The following DLEC1 variants were observed in gnomAD, a reference collection of about 807,000 sequenced individuals.
DLEC1 encodes the protein deleted in lung and esophageal cancer protein 1.
In DLEC1, 146 loss-of-function variants were observed where a neutral mutation model predicts 198.1. The ratio of observed to expected loss-of-function variants is 0.74; its 90% CI spans 0.64 to 0.85. The LOEUF is 0.85. Among genes scored for constraint, DLEC1 ranks in the 40% least tolerant of loss-of-function variants. The pLI, the probability that DLEC1 is intolerant of heterozygous loss-of-function variation, is 0.00. For synonymous variants in DLEC1, 897 were observed against 866.8 expected, an observed-to-expected ratio of 1.03 and a Z score of -0.61; for missense variants, 2,233 against 2,220.0, an observed-to-expected ratio of 1.01 and a Z score of -0.12.
intron 2 of DLEC1, among the ~76,000 whole-genome samples, 175 bp from the exon 3 acceptor site, chr3:38,059,567 T>C (rs1696566791): frequency 6.6e-6 from 1 of 152,234 alleles, no homozygotes; most frequent in Non-Finnish European, 1.5e-5. Flanking sequence ...GGTTGGCCTC[T>C]TTTAAGTGGC....
chr3:38,062,073 G>T (rs557484558), intron 3 of DLEC1, 96 bp from the exon 4 acceptor site: 26 of 1,236,184 alleles, frequency 2.1e-5, no homozygotes, highest in Non-Finnish European at 2.8e-5. Context: ...GAAAGATCAA[G>T]CTAACTGTGG....
chr3:38,039,664 G>T, intron 1 of DLEC1, 28 bp downstream of exon 1: 1 of 1,575,382 alleles, frequency 6.3e-7, no homozygotes, highest in South Asian at 1.2e-5. Context: ...TCGCGTCTGC[G>T]GACGGTGCCG....
At chr3:38,090,557 T>C (rs1050415171) in intron 10 of DLEC1, among the ~76,000 whole-genome samples, 5 of 152,232 alleles carry the variant, frequency 3.3e-5, no homozygotes, top group African/African-American at 1.2e-4. Flanking sequence ...TTTTCTGATC[T>C]CTGGCTACAA....
intron 23 of DLEC1, 41 bp from the exon 24 acceptor site, chr3:38,111,636 T>G (rs1483762094): frequency 6.2e-7 from 1 of 1,601,308 alleles, no homozygotes; most frequent in Non-Finnish European, 8.5e-7. Context: ...TGGGACAGGC[T>G]TGTCTGACTT....
chr3:38,054,702 G>A (rs1452059432), intron 2 of DLEC1, among the ~76,000 whole-genome samples: 1 of 152,210 alleles, frequency 6.6e-6, no homozygotes, highest in African/African-American at 2.4e-5. Flanking sequence ...TTAAAAGAAT[G>A]GTGTTCTTTG....
intron 6 of DLEC1, among the ~76,000 whole-genome samples, chr3:38,075,977 G>T (rs1697592632): frequency 6.6e-6 from 1 of 152,156 alleles, no homozygotes; most frequent in Non-Finnish European, 1.5e-5. Context: ...CTGAAACGTG[G>T]GTGAATAATC....
chr3:38,091,480 A>G (rs1201563698), intron 10 of DLEC1, among the ~76,000 whole-genome samples: 1 of 152,146 alleles, frequency 6.6e-6, no homozygotes, highest in Non-Finnish European at 1.5e-5. Context: ...CAAAACAAAC[A>G]AATGAACAAA....
At chr3:38,050,943 T>TC (rs1401073355) in intron 2 of DLEC1, among the ~76,000 whole-genome samples, 1 of 151,324 alleles carries the variant, frequency 6.6e-6, no homozygotes, top group Non-Finnish European at 1.5e-5. Flanking sequence ...TCTCTCTCTT[T>TC]TTTTTTTTTG....
At chr3:38,055,418 A>T (rs1376260180) in intron 2 of DLEC1, among the ~76,000 whole-genome samples, 2 of 152,334 alleles carry the variant, frequency 1.3e-5, no homozygotes, top group South Asian at 4.1e-4. Context: ...CTGAGAGTAG[A>T]CTTTATAGCA....
chr3:38,081,800 C>T (rs1698026793), intron 6 of DLEC1, among the ~76,000 whole-genome samples: 1 of 127,960 alleles, frequency 7.8e-6, no homozygotes, highest in Admixed American at 7.4e-5. Flanking sequence ...GGGGCTGACC[C>T]CCCCACCTCC....
In DLEC1 at chr3:38,122,883, T is replaced by A. The variant is rs5875; in HGVS notation, c.*471T>A. The A allele has an allele frequency of 0.12, 90,859 of 786,758 alleles. 5,865 individuals are homozygous for A. The highest frequency in any genetic ancestry group is 0.23 in the Middle Eastern group (606 of 2,670). The allele number at this position is 786,758 out of a possible 1,614,324, so 48.7% of individuals were successfully genotyped here. Reference sequence around the variant, plus strand: ...ACACCCCACCCACTCCTATACCATGTCATCAGTGTTCACATTTTCCAAATG... The same window carrying A: ...ACACCCCACCCACTCCTATACCATGACATCAGTGTTCACATTTTCCAAATG... On this transcript the variant is annotated 3_prime_UTR_variant, in exon 37 of 37. Transcript: ENST00000308059.
At chr3:38,098,655 C>A (rs959572934) in intron 18 of DLEC1, among the ~76,000 whole-genome samples, 1 of 151,894 alleles carries the variant, frequency 6.6e-6, no homozygotes, top group Non-Finnish European at 1.5e-5. Context: ...GCCCACTTGC[C>A]CTCCGAGTCA....
At position 38,114,887 on chromosome 3, in the gene DLEC1, T is replaced by A. The variant is rs1048120273; in HGVS notation, c.3786-96T>A. Reference sequence around the variant, plus strand: ...CGAGTGAGGCCAGACCACTGTGGTATTTCCCCCTGCCTGAGCCCCCAGTCC... The same window carrying A: ...CGAGTGAGGCCAGACCACTGTGGTAATTCCCCCTGCCTGAGCCCCCAGTCC... On this transcript the variant is annotated intron_variant, in intron 26 of 36. Transcript: ENST00000308059. 12 of 1,086,506 alleles carry A rather than the reference T, an allele frequency of 1.1e-5. No individual in the cohort carries two copies. The Middle Eastern group carries it at 9.2e-4, about 83-fold the overall frequency. 67.3% of individuals were successfully genotyped at this position (1,086,506 alleles called of 1,614,324 possible).
intron 6 of DLEC1, among the ~76,000 whole-genome samples, chr3:38,078,160 T>G (rs1269985072): frequency 1.3e-5 from 2 of 152,044 alleles, no homozygotes; most frequent in Non-Finnish European, 2.9e-5. Context: ...GAGGCCAGAT[T>G]GAGGTCCGGG....
intron 19 of DLEC1, among the ~76,000 whole-genome samples, chr3:38,102,842 C>A (rs917124500): frequency 6.6e-6 from 1 of 152,194 alleles, no homozygotes; most frequent in African/African-American, 2.4e-5. Flanking sequence ...GGAATAGCAT[C>A]TTTCTGGTTG....
At chr3:38,056,118 A>G (rs1015609962) in intron 2 of DLEC1, among the ~76,000 whole-genome samples, 2 of 128,202 alleles carry the variant, frequency 1.6e-5, no homozygotes, top group Non-Finnish European at 3.3e-5. Context: ...CACACACACA[A>G]ATAGCTGAGT....
At chr3:38,047,954 G>T (rs1467413513) in intron 2 of DLEC1, among the ~76,000 whole-genome samples, 1 of 152,172 alleles carries the variant, frequency 6.6e-6, no homozygotes, top group Non-Finnish European at 1.5e-5. Flanking sequence ...TTATTTGCCA[G>T]TGTTTAAAAT....
At chr3:38,103,607 C>T (rs1174406637) in intron 19 of DLEC1, 1 of 152,246 alleles carries the variant, frequency 6.6e-6, no homozygotes, top group Non-Finnish European at 1.5e-5. Flanking sequence ...TGGCACAAAG[C>T]TAGCTTTCTG....
chr3:38,118,610 A>G (rs1700305108), intron 33 of DLEC1, among the ~76,000 whole-genome samples: 1 of 152,138 alleles, frequency 6.6e-6, no homozygotes, highest in South Asian at 2.1e-4. Flanking sequence ...AACTGGAATG[A>G]GGCTGAGTGT....
Sources: gnomAD v4.1 joint callset for allele counts (sites outside exome capture counted in the v4.1 genomes callset) on GRCh38, gnomAD v4.1.1 for gene constraint, MANE v1.5 for transcripts, NCBI Gene and HGNC (gene_info 2026-07-23, HGNC 2026-07-21) for gene names.